Variants in MROH1 observed in about 807,000 individuals in gnomAD.
MROH1 encodes maestro heat like repeat family member 1, also known as maestro heat-like repeat-containing protein family member 1.
A neutral mutation model predicts 116.5 loss-of-function variants in MROH1; 117 were observed. The observed-to-expected ratio is 1.00, with a 90% CI of 0.86 to 1.17. MROH1 has a LOEUF of 1.17. Ranked by LOEUF, MROH1 falls within the 50% of genes most tolerant of loss-of-function variation. The probability of loss-of-function intolerance (pLI) is 0.00; values close to 1 mark genes in which losing one functional copy is unlikely to be tolerated. For missense variants in MROH1, 1,873 were observed against 1,338.5 expected (o/e 1.40, Z -6.23); for synonymous variants, 921 against 583.9 (o/e 1.58, Z -8.32).
rs1485136962 is a variant in MROH1 at position 144,260,029 on chromosome 8, C to A, written c.4163C>A (p.Ala1388Asp). 1 of 725,082 alleles carries A rather than the reference C, an allele frequency of 1.4e-6. No homozygotes were observed. Among genetic ancestry groups the A allele is most frequent in the Non-Finnish European group, 2.5e-6 (1 of 397,126 alleles). The allele number at this position is 725,082 out of a possible 1,614,324, so 44.9% of individuals were successfully genotyped here. A position where few individuals can be genotyped will look rare whatever the true frequency, so the allele number is the denominator to read the frequency against. ...SVRRLVLRGL[A>D]NLASGCPDKV... ...CGGAGGCTGGTGCTCCGCGGCCTGG[C>A]CAACCTGGCCTCCGGCTGCCCTGAC... Residue 1388 changes from alanine to aspartate, a missense_variant, in exon 38 of 44, where the codon GCC (alanine) becomes GAC (aspartate). Physicochemically the swap from Ala to Asp is moderately radical, Grantham distance 126. Transcript: ENST00000326134.
intron 1 of MROH1, among the ~76,000 whole-genome samples, chr8:144,157,677 C>CTTT (rs1164415639): frequency 4.5e-4 from 53 of 117,888 alleles, no homozygotes; most frequent in African/African-American, 7.4e-4. Context: ...TTCTTTCTTT[C>CTTT]TTTTTTTTTT....
intron 3 of MROH1, among the ~76,000 whole-genome samples, chr8:144,164,752 A>G (rs938864297): frequency 6.6e-6 from 1 of 152,088 alleles, no homozygotes; most frequent in East Asian, 1.9e-4. Flanking sequence ...GAAAAAAAAA[A>G]TTAGCAGTTT....
At position 144,247,391 on chromosome 8, in the gene MROH1, G is replaced by A. The variant is rs940103625; in HGVS notation, c.2962G>A (p.Val988Met). The A allele has an allele frequency of 5.3e-4, 407 of 770,538 alleles. No homozygotes were observed. Among genetic ancestry groups the A allele is most frequent in the Non-Finnish European group, 8.5e-4 (353 of 413,472 alleles). The allele number at this position is 770,538 out of a possible 1,614,324, so 47.7% of individuals were successfully genotyped here. A position where few individuals can be genotyped will look rare whatever the true frequency, so the allele number is the denominator to read the frequency against. The change falls in exon 30 of 44, where the codon GTG (valine) becomes ATG (methionine). Residue 988 changes from valine (V) to methionine (M), a missense_variant. Physicochemically the swap from Val to Met is conservative, Grantham distance 21. Coordinates refer to ENST00000326134, the MANE Select transcript of MROH1 (RefSeq NM_032450.3). ...GTGGCCTGCCACCCGCCAGGAGGCCGTGGACTGTGTCTACTCCCTGCTGTA... is the reference window on the plus strand; with the variant it reads ...GTGGCCTGCCACCCGCCAGGAGGCCATGGACTGTGTCTACTCCCTGCTGTA... Reference protein sequence around the residue: ...DLWPATRQEAVDCVYSLLYLQ... With the variant: ...DLWPATRQEAMDCVYSLLYLQ...
intron 12 of MROH1, among the ~76,000 whole-genome samples, chr8:144,201,829 A>G (rs1831210645): frequency 6.6e-6 from 1 of 152,082 alleles, no homozygotes; most frequent in African/African-American, 2.4e-5. Flanking sequence ...GCTGGCCAAC[A>G]TGGTGAAACC....
At chr8:144,198,612 A>G (rs141916491) in intron 10 of MROH1, among the ~76,000 whole-genome samples, 12 of 152,080 alleles carry the variant, frequency 7.9e-5, no homozygotes, top group Admixed American at 7.9e-4. Flanking sequence ...TTTTACCAAT[A>G]AGACTTTTTT....
At chr8:144,170,554 C>T (rs1343532965) in intron 4 of MROH1, among the ~76,000 whole-genome samples, 4 of 152,166 alleles carry the variant, frequency 2.6e-5, no homozygotes, top group Admixed American at 6.6e-5. Flanking sequence ...TGCGTCTTGC[C>T]TAGATAGCAG....
intron 7 of MROH1, among the ~76,000 whole-genome samples, chr8:144,183,804 C>T (rs1017785550): frequency 6.6e-5 from 10 of 152,162 alleles, no homozygotes; most frequent in Admixed American, 6.5e-4. Context: ...CCCACCACCA[C>T]GCCTGGCTAA....
intron 12 of MROH1, among the ~76,000 whole-genome samples, chr8:144,207,443 C>T (rs1833080773): frequency 5.7e-5 from 1 of 17,406 alleles, no homozygotes; most frequent in Admixed American, 8.5e-4. Context: ...ACCTTGGCCT[C>T]CCAAAGTGCT....
At chr8:144,174,442 A>G (rs1823290767) in intron 4 of MROH1, among the ~76,000 whole-genome samples, 1 of 151,550 alleles carries the variant, frequency 6.6e-6, no homozygotes, top group African/African-American at 2.4e-5. Context: ...AAAATCAAAC[A>G]ATTCAAACCA....
At chr8:144,197,270 G>C (rs1373470175) in intron 10 of MROH1, among the ~76,000 whole-genome samples, 1 of 152,098 alleles carries the variant, frequency 6.6e-6, no homozygotes, top group Non-Finnish European at 1.5e-5. Context: ...TGCTTCCAAG[G>C]CTGTTCATTC....
chr8:144,163,774 G>C lies in MROH1; in HGVS notation c.-53G>C. On this transcript the variant is annotated 5_prime_UTR_variant, in exon 3 of 44. Coordinates refer to ENST00000326134, the MANE Select transcript of MROH1 (RefSeq NM_032450.3). The surrounding 1 kb of genome is among the most constrained non-coding windows in gnomAD (Gnocchi z 4.4). ...CTTGTGATTTTGGTTATTCCAGATG[G>C]GAGAAGAAGTTGTCCATGTTCACAC... 6.2e-7 allele frequency: 1 copy of C among 1,605,538 alleles called. No homozygotes were observed. The highest frequency in any genetic ancestry group is 1.1e-5 in the South Asian group (1 of 90,420).
chr8:144,239,410 C>T (rs1490233490), intron 17 of MROH1, 47 bp downstream of exon 17: 23 of 780,264 alleles, frequency 2.9e-5, no homozygotes, highest in Middle Eastern at 2.3e-4. Context: ...ACTCTGTGTC[C>T]CTGTGCTCCA....
rs1820102641 is a variant in MROH1, at chr8:144,163,725, A to G, written c.-56-46A>G. ...ATGGTAATTGCCTGTGAACTCAGAT[A>G]TCGTAGAGGCTTATGAATTAAATCT... On this transcript the variant is annotated intron_variant, in intron 2 of 43. Transcript: ENST00000326134. The surrounding 1 kb of genome is among the most constrained non-coding windows in gnomAD (Gnocchi z 4.4). 1.7e-6 allele frequency: 2 copies of G among 1,182,872 alleles called. No homozygotes were observed. Among genetic ancestry groups the G allele is most frequent in the Admixed American group, 2.1e-5 (1 of 48,750 alleles). 73.3% of individuals were successfully genotyped at this position (1,182,872 alleles called of 1,614,324 possible).
Position 144,259,966 on chromosome 8 carries a change from G to A in MROH1, c.4100G>A (p.Ser1367Asn), listed in dbSNP as rs1398666806. ...DLMLLDSLLE[S>N]LAARQKDTCA... ...ATGCTCTTGGACTCGCTGCTGGAGA[G>A]CCTGGCGGCTCGCCAGAAGGACACA... The change falls in exon 38 of 44, where the codon AGC (serine) becomes AAC (asparagine). Residue 1367 changes from serine (S) to asparagine (N), a missense_variant. Ser to Asn is a conservative substitution (Grantham distance 46). Coordinates refer to ENST00000326134, the MANE Select transcript of MROH1 (RefSeq NM_032450.3). 6.7e-6 allele frequency: 5 copies of A among 741,898 alleles called. No individual in the cohort carries two copies. The highest frequency in any genetic ancestry group is 1.3e-5 in the Non-Finnish European group (5 of 399,904). 46.0% of individuals were successfully genotyped at this position (741,898 alleles called of 1,614,324 possible). A position where few individuals can be genotyped will look rare whatever the true frequency, so the allele number is the denominator to read the frequency against.
chr8:144,173,098 C>CT lies in MROH1; in HGVS notation c.168+4678dup, dbSNP rs57999074. 8.6e-3 allele frequency among the ~76,000 whole-genome samples: 1,118 copies of CT among 130,328 alleles called. 12 individuals carry two copies. Among genetic ancestry groups the CT allele is most frequent in the African/African-American group, 0.021 (735 of 34,762 alleles). 85.5% of individuals were successfully genotyped at this position (130,328 alleles called of 152,430 possible). On this transcript the variant is annotated intron_variant, in intron 4 of 43. Coordinates refer to ENST00000326134, the MANE Select transcript of MROH1 (RefSeq NM_032450.3). ...AGGCAGGGCTGTGAAAGTTATGGTA[C>CT]TTTTTTTTTTTTTTTTTTTTCCTGA...
In MROH1 at chr8:144,180,350, G is replaced by A. The variant is rs149282183; in HGVS notation, c.463+10G>A. The A allele has an allele frequency of 3.3e-4, 534 of 1,605,370 alleles. No homozygotes were observed. The highest frequency in any genetic ancestry group is 3.9e-4 in the Non-Finnish European group (465 of 1,178,332). Reference sequence around the variant, plus strand: ...CTCTCGGTGGCCAACGGTAGGTGACGCGCGGCCTGCCCCAGGAGGAGCACG... The same window carrying A: ...CTCTCGGTGGCCAACGGTAGGTGACACGCGGCCTGCCCCAGGAGGAGCACG... On this transcript the variant is annotated intron_variant, in intron 6 of 43. Coordinates refer to ENST00000326134, the MANE Select transcript of MROH1 (RefSeq NM_032450.3). This position sits in a 1 kb window ranked among gnomAD's most constrained non-coding sequence, Gnocchi z 7.4.
chr8:144,215,718 T>C (rs1259608994), intron 12 of MROH1, among the ~76,000 whole-genome samples: 1 of 143,164 alleles, frequency 7.0e-6, no homozygotes, highest in Non-Finnish European at 1.5e-5. Flanking sequence ...AAAAATACAA[T>C]GAAAATTAGC....
rs971247926 is a variant in MROH1 at position 144,258,934 on chromosome 8, T to C, written c.3929+20T>C. The C allele has an allele frequency of 2.6e-5, 19 of 723,404 alleles. No homozygotes were observed. The highest frequency in any genetic ancestry group is 7.4e-4 in the Middle Eastern group (2 of 2,706). 44.8% of individuals were successfully genotyped at this position (723,404 alleles called of 1,614,324 possible). On this transcript the variant is annotated intron_variant, in intron 36 of 43. Transcript: ENST00000326134. ...GGCCAGGTGAGCGGGCCCAGCCCACTGCAGCTCCAGCACTGGCTGGGCTCC... is the reference window on the plus strand; with the variant it reads ...GGCCAGGTGAGCGGGCCCAGCCCACCGCAGCTCCAGCACTGGCTGGGCTCC...
At chr8:144,167,116 G>A (rs1368082494) in intron 3 of MROH1, among the ~76,000 whole-genome samples, 1 of 152,228 alleles carries the variant, frequency 6.6e-6, no homozygotes, top group Admixed American at 6.5e-5. Flanking sequence ...TGGGTGTGGT[G>A]CTGCTGGAGC....
Sources: allele counts gnomAD v4.1 joint callset (sites outside exome capture counted in the v4.1 genomes callset), GRCh38; gene constraint gnomAD v4.1.1; non-coding constraint Gnocchi (gnomAD v3.1); transcripts MANE v1.5; gene names NCBI Gene and HGNC (gene_info 2026-07-23, HGNC 2026-07-21).